The following STK33 variants were observed in gnomAD, a reference collection of about 807,000 sequenced individuals.
STK33 encodes serine/threonine kinase 33, also known as serine/threonine-protein kinase 33.
Under a neutral mutation model 58.0 loss-of-function variants are expected in STK33, and 52 were observed. The observed-to-expected ratio is 0.90, with a 90% CI of 0.72 to 1.13. STK33 has a LOEUF of 1.13. STK33 is among the 50% of genes most tolerant of loss of function. The pLI is 0.00. For missense variants in STK33, 630 were observed against 604.2 expected, an observed-to-expected ratio of 1.04 and a Z score of -0.45; for synonymous variants, 215 against 200.1, an observed-to-expected ratio of 1.07 and a Z score of -0.63.
At chr11:8,529,528 A>G (rs2140088593) in intron 1 of STK33, among the ~76,000 whole-genome samples, 1 of 152,258 alleles carries the variant, frequency 6.6e-6, no homozygotes, top group African/African-American at 2.4e-5. Flanking sequence ...AGATATCCAA[A>G]AAGCTCACCC....
intron 14 of STK33, among the ~76,000 whole-genome samples, chr11:8,431,467 C>G (rs897416707): frequency 6.6e-6 from 1 of 152,230 alleles, no homozygotes; most frequent in East Asian, 1.9e-4. Flanking sequence ...AAAGACCGTT[C>G]TGAAATTAGT....
intron 15 of STK33, among the ~76,000 whole-genome samples, chr11:8,403,525 C>T (rs1021608785): frequency 1.3e-5 from 2 of 152,190 alleles, no homozygotes; most frequent in African/African-American, 4.8e-5. Flanking sequence ...CTGAGTGCTG[C>T]ATTCAGGACG....
At chr11:8,557,699 T>C (rs1167476641) in intron 1 of STK33, among the ~76,000 whole-genome samples, 1 of 152,026 alleles carries the variant, frequency 6.6e-6, no homozygotes, top group Non-Finnish European at 1.5e-5. Flanking sequence ...AACTTCAGCA[T>C]TCAATGAAAG....
chr11:8,391,314 T>C (rs571885857), downstream of STK33, among the ~76,000 whole-genome samples: 2 of 152,328 alleles, frequency 1.3e-5, no homozygotes, highest in South Asian at 2.1e-4. Context: ...CCACTAGATA[T>C]GCCTTGGCCA....
intron 1 of STK33, among the ~76,000 whole-genome samples, chr11:8,528,229 G>GC (rs111555829): frequency 0.22 from 33,820 of 152,062 alleles, 3,977 homozygotes; most frequent in Middle Eastern, 0.31. Context: ...AAGGCATTTT[G>GC]TTTTTTCTTT....
At chr11:8,440,584 A>G in intron 12 of STK33, 94 bp downstream of exon 12, 1 of 1,115,580 alleles carries the variant, frequency 9.0e-7, no homozygotes. Context: ...ATCACTTTTT[A>G]AAAATATATA....
At chr11:8,482,312 A>G (rs565425852) in intron 1 of STK33, among the ~76,000 whole-genome samples, 37 of 152,352 alleles carry the variant, frequency 2.4e-4, no homozygotes, top group Middle Eastern at 6.8e-3. Flanking sequence ...CAAGTTTTCT[A>G]TAAGTCTGAC....
intron 6 of STK33, among the ~76,000 whole-genome samples, chr11:8,471,840 T>C (rs1220306409): frequency 1.3e-5 from 2 of 152,144 alleles, no homozygotes; most frequent in Non-Finnish European, 2.9e-5. Flanking sequence ...ATAATTTTTA[T>C]TTTCTCCACA....
At chr11:8,388,605 C>T (rs534769441), downstream of STK33, among the ~76,000 whole-genome samples, 6 of 152,258 alleles carry the variant, frequency 3.9e-5, no homozygotes, top group South Asian at 1.0e-3. Context: ...AGAGATGAAG[C>T]GAACACGAAG....
the STK33 span, among the ~76,000 whole-genome samples, chr11:8,380,160 G>A: frequency 6.6e-6 from 1 of 152,148 alleles, no homozygotes; most frequent in Admixed American, 6.5e-5. Context: ...TGGGATTGCT[G>A]GGTTGAATGG....
chr11:8,444,656 T>G (rs1313455498), intron 11 of STK33, among the ~76,000 whole-genome samples: 2 of 152,040 alleles, frequency 1.3e-5, no homozygotes, highest in Non-Finnish European at 2.9e-5. Flanking sequence ...AAACATAATA[T>G]GCATATTTAT....
At chr11:8,558,335 A>AC (rs200191634) in intron 1 of STK33, among the ~76,000 whole-genome samples, 1,853 of 152,238 alleles carry the variant, frequency 0.012, 39 homozygotes, top group African/African-American at 0.042. Context: ...CAAAAATGGC[A>AC]CAAACAAGGA....
At chr11:8,339,896 C>G in the STK33 span, among the ~76,000 whole-genome samples, 1 of 152,224 alleles carries the variant, frequency 6.6e-6, no homozygotes, top group African/African-American at 2.4e-5. Flanking sequence ...TCCTCACCTC[C>G]TCTCTCTCCA....
intron 1 of STK33, among the ~76,000 whole-genome samples, chr11:8,520,936 G>A (rs994832314): frequency 4.0e-5 from 6 of 151,148 alleles, no homozygotes; most frequent in Admixed American, 4.0e-4. Flanking sequence ...AATTTATAAC[G>A]ATAATAAATG....
At chr11:8,560,781 T>C (rs915890498) in intron 1 of STK33, among the ~76,000 whole-genome samples, 8 of 152,162 alleles carry the variant, frequency 5.3e-5, no homozygotes, top group Admixed American at 2.0e-4. Context: ...ACAACAACCC[T>C]AGTAGGTTAG....
chr11:8,578,948 GAAAA>G (rs1049273393), intron 1 of STK33, among the ~76,000 whole-genome samples: 3 of 152,090 alleles, frequency 2.0e-5, no homozygotes, highest in African/African-American at 7.2e-5. Context: ...CTGTGAGAAT[GAAAA>G]ACAATCAGGT....
At chr11:8,360,643 T>C in the STK33 span, among the ~76,000 whole-genome samples, 3 of 152,208 alleles carry the variant, frequency 2.0e-5, no homozygotes, top group Non-Finnish European at 2.9e-5. Flanking sequence ...TCTTCCAGGC[T>C]CATTCCTGCT....
intron 1 of STK33, among the ~76,000 whole-genome samples, chr11:8,558,398 TACAC>T (rs71059170): frequency 7.3e-5 from 11 of 149,660 alleles, no homozygotes; most frequent in East Asian, 2.0e-4. Context: ...TTGTCAGTGA[TACAC>T]ACACACACAC....
At chr11:8,521,645 G>A (rs1353135752) in intron 1 of STK33, among the ~76,000 whole-genome samples, 1 of 152,118 alleles carries the variant, frequency 6.6e-6, no homozygotes, top group African/African-American at 2.4e-5. Flanking sequence ...TTAAACTAAA[G>A]AGCTTCTGCA....
Sources: gnomAD v4.1 joint callset for allele counts (sites outside exome capture counted in the v4.1 genomes callset) on GRCh38, gnomAD v4.1.1 for gene constraint, MANE v1.5 for transcripts, NCBI Gene and HGNC (gene_info 2026-07-23, HGNC 2026-07-21) for gene names.